Variants in ALAS2 observed in about 807,000 individuals in gnomAD.
The protein encoded by ALAS2 is 5-aminolevulinate synthase, erythroid-specific, mitochondrial.
ALAS2 carries 3 observed loss-of-function variants against 33.7 expected under a neutral mutation model. That is an observed-to-expected ratio of 0.09 (90% CI 0.04 to 0.23). ALAS2 has a LOEUF of 0.23. Ranked by LOEUF, ALAS2 falls within the 10% of genes least tolerant of loss-of-function variation. ALAS2 has a pLI of 1.00. For missense variants in ALAS2, 304 were observed against 475.1 expected (o/e 0.64, Z 3.35); for synonymous variants, 191 against 177.3 (o/e 1.08, Z -0.61).
chrX:55,009,632 A>T (rs1238093800), intron 10 of ALAS2, among the ~76,000 whole-genome samples: 1 of 111,346 alleles, frequency 9.0e-6, no homozygotes, highest in Non-Finnish European at 1.9e-5. Context: ...TGGCCCAAGA[A>T]TGACTGTCTG....
At position 55,017,421 on chromosome X, in the gene ALAS2, C is replaced by T. The variant is rs1420449761; in HGVS notation, c.1003+65G>A. The T allele has an allele frequency of 3.1e-6, 3 of 974,627 alleles. No homozygotes were observed. In the African/African-American group the frequency reaches 5.7e-5, roughly 19 times the overall value. The allele number at this position is 974,627 out of a possible 1,213,427, so 80.3% of individuals were successfully genotyped here. A position where few individuals can be genotyped will look rare whatever the true frequency, so the allele number is the denominator to read the frequency against. ...GTTATAATGTTATCGTCATCATCAT[C>T]ATCATGATCATCATGGTTTTTGTGA... is the stretch of plus-strand genomic sequence containing the variant. On this transcript the variant is annotated intron_variant, in intron 7 of 10. Transcript: ENST00000650242.
intron 9 of ALAS2, 124 bp from the exon 10 acceptor site, chrX:55,013,772 TC>T: frequency 3.7e-6 from 3 of 808,142 alleles, no homozygotes; most frequent in Non-Finnish European, 5.4e-6. Flanking sequence ...ATTTTTTTTT[TC>T]CATTAGGGGC....
At chrX:55,015,118 C>T (rs1186717701) in intron 8 of ALAS2, 103 bp from the exon 9 acceptor site, 5 of 944,050 alleles carry the variant, frequency 5.3e-6, no homozygotes, top group East Asian at 6.7e-5. Flanking sequence ...GAAGTTGGGG[C>T]TCCAGGCTGT....
At position 55,024,735 on chromosome X, in the gene ALAS2, A is replaced by G. The variant is rs376070748; in HGVS notation, c.287T>C (p.Val96Ala). Residue 96 changes from valine (V) to alanine (A), a missense_variant, in exon 3 of 11, where the codon GTG becomes GCG. Physicochemically the swap from Val to Ala is moderately conservative, Grantham distance 64. Around this residue, in one of 3 missense-constraint regions of ALAS2, gnomAD observed 71 missense variants for 82.8 expected, o/e 0.86. Transcript: ENST00000650242. ...ACTCCAACCTGTCTTGAAAGCCTTC[A>G]CATCTTCCTGGACTTCTGGGGCTGC... ...QKAAPEVQED[V>A]KAFKTDLPSS... The G allele has an allele frequency of 1.7e-6, 2 of 1,210,163 alleles. No individual in the cohort carries two copies. Among genetic ancestry groups the G allele is most frequent in the African/African-American group, 1.7e-5 (1 of 57,160 alleles).
chrX:55,025,969 C>T lies in ALAS2; in HGVS notation c.32G>A (p.Cys11Tyr), dbSNP rs772985554. 3 of 1,209,156 alleles carry T rather than the reference C, an allele frequency of 2.5e-6. No individual in the cohort carries two copies. The highest frequency in any genetic ancestry group is 3.5e-5 in the South Asian group (2 of 56,694). Reference sequence around the variant, plus strand: ...TGTGGGGCCCCGGGCAAGCACTGGGCAGCACTGTAGCAGCATGGCTGCAGT... The same window carrying T: ...TGTGGGGCCCCGGGCAAGCACTGGGTAGCACTGTAGCAGCATGGCTGCAGT... MVTAAMLLQC[C>Y]PVLARGPTSL... The change falls in exon 2 of 11, where the codon TGC becomes TAC. Residue 11 changes from cysteine (C) to tyrosine (Y), a missense_variant. Cys to Tyr is a radical substitution (Grantham distance 194, BLOSUM62 -2). This residue lies in a region of ALAS2 where 71 missense variants were observed against 82.8 expected (regional missense o/e 0.86). Coordinates refer to ENST00000650242, the MANE Select transcript of ALAS2 (RefSeq NM_000032.5).
Position 55,014,982 on chromosome X carries a change from G to T in ALAS2, c.1202C>A (p.Ala401Asp). ...CATGTCCACCAAGTCACGGGTGCTGGCAATGTAGCCGCCCACACAGCCAAA... is the reference window on the plus strand; with the variant it reads ...CATGTCCACCAAGTCACGGGTGCTGTCAATGTAGCCGCCCACACAGCCAAA... ...KAFGCVGGYI[A>D]STRDLVDMVR... Residue 401 changes from alanine (A) to aspartate (D), a missense_variant, in exon 9 of 11, where the codon GCC becomes GAC. Transcript: ENST00000650242. 1 of 1,210,713 alleles carries T rather than the reference G, an allele frequency of 8.3e-7. No homozygotes were observed. Among genetic ancestry groups the T allele is most frequent in the Non-Finnish European group, 1.1e-6 (1 of 894,916 alleles).
intron 8 of ALAS2, 109 bp from the exon 9 acceptor site, chrX:55,015,124 G>T: frequency 1.1e-6 from 1 of 908,612 alleles, no homozygotes; most frequent in Non-Finnish European, 1.5e-6. Flanking sequence ...GGGGCTCCAG[G>T]CTGTCTTCCC....
intron 1 of ALAS2, among the ~76,000 whole-genome samples, chrX:55,029,315 C>T (rs1262266091): frequency 2.7e-5 from 3 of 111,315 alleles, no homozygotes; most frequent in African/African-American, 3.3e-5. Flanking sequence ...TCATAGATTC[C>T]GCCTAGTTCT....
At chrX:55,011,783 G>A (rs1276656513) in intron 10 of ALAS2, among the ~76,000 whole-genome samples, 4 of 111,451 alleles carry the variant, frequency 3.6e-5, no homozygotes, top group African/African-American at 1.3e-4. Flanking sequence ...GAAGCCCAGA[G>A]CAAAAGAGAA....
Position 55,030,967 on chromosome X carries a change from G to A in ALAS2, c.-41C>T, listed in dbSNP as rs1431180483. ...CTGTTGCCCTGCACTGAGGACGAAC[G>A]AATGACAGGTGGGTACTTGGGTTAG... On this transcript the variant is annotated 5_prime_UTR_variant, in exon 1 of 11. Transcript: ENST00000650242. The A allele has an allele frequency of 2.9e-6, 1 of 340,364 alleles. No homozygotes were observed. Among genetic ancestry groups the A allele is most frequent in the Non-Finnish European group, 5.9e-6 (1 of 169,735 alleles). The allele number at this position is 340,364 out of a possible 1,213,427, so 28.0% of individuals were successfully genotyped here.
At chrX:55,013,725 G>A in intron 9 of ALAS2, 77 bp from the exon 10 acceptor site, 2 of 1,099,642 alleles carry the variant, frequency 1.8e-6, no homozygotes, top group Middle Eastern at 2.6e-4. Context: ...CAGATGGAGG[G>A]AACTAGATGA....
intron 6 of ALAS2, among the ~76,000 whole-genome samples, chrX:55,019,198 G>A (rs1935757152): frequency 9.0e-6 from 1 of 110,984 alleles, no homozygotes; most frequent in Non-Finnish European, 1.9e-5. Context: ...CATGTTTAAA[G>A]AGAGGGAGAG....
At chrX:55,017,900 C>T (rs1296050579) in intron 6 of ALAS2, among the ~76,000 whole-genome samples, 2 of 112,084 alleles carry the variant, frequency 1.8e-5, no homozygotes, top group Middle Eastern at 4.2e-3. Flanking sequence ...CTGGTCTAGC[C>T]TCTGACTGCC....
At chrX:55,027,834 A>G (rs1569547934) in intron 1 of ALAS2, 1 of 1,190,381 alleles carries the variant, frequency 8.4e-7, no homozygotes. Flanking sequence ...CTGGGTTGGT[A>G]TGTGGGGCCA....
At position 55,015,959 on chromosome X, in the gene ALAS2, CTGTG is replaced by C. The variant is rs56109492; in HGVS notation, c.1004-221_1004-218del. 0.19 allele frequency among the ~76,000 whole-genome samples: 15,047 copies of C among 79,560 alleles called. 1,053 individuals carry two copies. Among genetic ancestry groups the C allele is most frequent in the East Asian group, 0.33 (776 of 2,320 alleles). 69.1% of individuals were successfully genotyped at this position (79,560 alleles called of 115,157 possible). The stretch of plus-strand genomic sequence containing the variant: ...CTTCTCTCTCTCTCTCTCTGTCTCT[CTGTG>C]TGTGTGTGTGTGTGTGTGTGTGTGT... On this transcript the variant is annotated intron_variant, in intron 7 of 10. Transcript: ENST00000650242.
rs56109492 is a variant in ALAS2, at chrX:55,015,959, C to CTGTGTGTGTG, written c.1004-227_1004-218dup. On this transcript the variant is annotated intron_variant, in intron 7 of 10. Coordinates refer to ENST00000650242, the MANE Select transcript of ALAS2 (RefSeq NM_000032.5). Reference sequence around the variant, plus strand: ...CTTCTCTCTCTCTCTCTCTGTCTCTCTGTGTGTGTGTGTGTGTGTGTGTGT... The same window carrying CTGTGTGTGTG: ...CTTCTCTCTCTCTCTCTCTGTCTCTCTGTGTGTGTGTGTGTGTGTGTGTGTGTGTGTGTGT... Among the ~76,000 whole-genome samples the CTGTGTGTGTG allele has an allele frequency of 1.7e-4, 14 of 80,159 alleles. No individual in the cohort carries two copies. The East Asian group carries it at 4.3e-3, about 24-fold the overall frequency. The allele number at this position is 80,159 out of a possible 115,157, so 69.6% of individuals were successfully genotyped here. A position where few individuals can be genotyped will look rare whatever the true frequency, so the allele number is the denominator to read the frequency against.
rs756815771 is a variant in ALAS2 at position 55,009,246 on chromosome X, G to C, written c.1698C>G (p.Leu566=). The C allele has an allele frequency of 6.6e-6, 8 of 1,205,419 alleles. No individual in the cohort carries two copies. In the East Asian group the frequency reaches 2.4e-4, roughly 36 times the overall value. ...AGTAGGAACGTTCCCACTCACTCAT[G>C]AGCTCAAAGTGTACAGGACGGCGAC... The part of the protein sequence containing the change: ...NFCRRPVHFE[L]MSEWERSYFG... Residue 566 remains leucine, a synonymous_variant, in exon 11 of 11, where the codon CTC becomes CTG. Transcript: ENST00000650242.
chrX:55,015,444 T>A, intron 8 of ALAS2, 134 bp downstream of exon 8: 1 of 726,076 alleles, frequency 1.4e-6, no homozygotes, highest in East Asian at 3.4e-5. Context: ...AGAGAGGGAG[T>A]CCAGGATGGC....
intron 10 of ALAS2, among the ~76,000 whole-genome samples, chrX:55,012,511 G>A (rs773737442): frequency 1.5e-4 from 17 of 112,603 alleles, no homozygotes; most frequent in African/African-American, 4.5e-4. Flanking sequence ...TACCCAGGCC[G>A]GGCATGGTGG....
Sources: allele counts gnomAD v4.1 joint callset (sites outside exome capture counted in the v4.1 genomes callset), GRCh38; gene constraint gnomAD v4.1.1; regional missense constraint gnomAD v4.1.1; transcripts MANE v1.5; gene names NCBI Gene and HGNC (gene_info 2026-07-23, HGNC 2026-07-21).